PAK5: variants seen among roughly 807,000 people sequenced by gnomAD.
The protein encoded by PAK5 is p21 (RAC1) activated kinase 5.
In PAK5, 16 loss-of-function variants were observed where a neutral mutation model predicts 65.9. The observed-to-expected ratio is 0.24, with a 90% CI of 0.16 to 0.37. The LOEUF is 0.37. PAK5 is among the 10% of genes least tolerant of loss of function. The pLI is 1.00. For synonymous variants in PAK5, 371 were observed against 354.9 expected, an observed-to-expected ratio of 1.05 and a Z score of -0.51; for missense variants, 785 against 903.9, an observed-to-expected ratio of 0.87 and a Z score of 1.69.
At position 9,637,732 on chromosome 20, in the gene PAK5, T is replaced by A. The variant is rs2046999707; in HGVS notation, c.204+6393A>T. ...GTTAGAGATTATATACATTATGACA[T>A]CATTTCATAAAACTCACATATGCCG... is the stretch of plus-strand genomic sequence containing the variant. On this transcript the variant is annotated intron_variant, in intron 3 of 9. Transcript: ENST00000353224. Among the ~76,000 whole-genome samples the A allele has an allele frequency of 3.3e-5, 5 of 152,186 alleles. No homozygotes were observed. In the South Asian group the frequency reaches 1.0e-3, roughly 32 times the overall value.
chr20:9,665,681 G>T (rs1401230762), intron 2 of PAK5, among the ~76,000 whole-genome samples: 7 of 148,066 alleles, frequency 4.7e-5, no homozygotes, highest in African/African-American at 1.5e-4. Flanking sequence ...TTTTTGAGAT[G>T]GGGTCTCGTT....
At chr20:9,751,473 A>AT (rs1436057968) in intron 1 of PAK5, among the ~76,000 whole-genome samples, 1 of 152,114 alleles carries the variant, frequency 6.6e-6, no homozygotes, top group Admixed American at 6.6e-5. Flanking sequence ...CCTGATACCC[A>AT]TTTTTCATGA....
intron 3 of PAK5, among the ~76,000 whole-genome samples, chr20:9,618,169 C>T (rs1250581121): frequency 2.0e-5 from 3 of 151,954 alleles, no homozygotes; most frequent in Non-Finnish European, 2.9e-5. Context: ...CAGCGCTGGG[C>T]GACACTATCA....
intron 1 of PAK5, among the ~76,000 whole-genome samples, chr20:9,726,356 A>G (rs2048277424): frequency 6.6e-6 from 1 of 152,142 alleles, no homozygotes; most frequent in Admixed American, 6.6e-5. Flanking sequence ...AAATATATAT[A>G]AAGGACAATC....
chr20:9,564,802 G>A (rs1301089996), intron 5 of PAK5, among the ~76,000 whole-genome samples: 1 of 151,960 alleles, frequency 6.6e-6, no homozygotes, highest in African/African-American at 2.4e-5. Flanking sequence ...TTTTAAATAT[G>A]ATACATGTAT....
intron 2 of PAK5, among the ~76,000 whole-genome samples, chr20:9,692,573 A>G (rs190432031): frequency 3.2e-4 from 48 of 152,312 alleles, no homozygotes; most frequent in African/African-American, 1.0e-3. Context: ...TTTAAAACAG[A>G]TGATTCAACA....
chr20:9,837,035 A>T (rs748938323), intron 1 of PAK5, among the ~76,000 whole-genome samples: 1 of 152,228 alleles, frequency 6.6e-6, no homozygotes, highest in Admixed American at 6.5e-5. Flanking sequence ...CAATGCTTAG[A>T]TATCAATTGA....
chr20:9,564,104 G>A (rs993198816), intron 5 of PAK5, among the ~76,000 whole-genome samples: 1 of 152,164 alleles, frequency 6.6e-6, no homozygotes, highest in Non-Finnish European at 1.5e-5. Flanking sequence ...ATCTAACACT[G>A]ATACCCTGAC....
chr20:9,838,614 G>C lies in PAK5; in HGVS notation c.-162+148C>G, dbSNP rs1410731747. 2 of 152,252 alleles carry C rather than the reference G, an allele frequency of 1.3e-5. No individual in the cohort carries two copies. The highest frequency in any genetic ancestry group is 4.8e-5 in the African/African-American group (2 of 41,442). The allele number at this position is 152,252 out of a possible 1,614,324, so 9.4% of individuals were successfully genotyped here. On this transcript the variant is annotated intron_variant, in intron 1 of 9. Coordinates refer to ENST00000353224, the MANE Select transcript of PAK5 (RefSeq NM_177990.4). This position sits in a 1 kb window ranked among gnomAD's most constrained non-coding sequence, Gnocchi z 4.5. The stretch of plus-strand genomic sequence containing the variant: ...TCCCTAGCCTTTGCATCTCCTAGGA[G>C]ATGCAGGATCGCGCTGTCACAGTGG...
In PAK5 at chr20:9,767,807, G is replaced by T. The variant is rs145219832; in HGVS notation, c.-161-56372C>A. On this transcript the variant is annotated intron_variant, in intron 1 of 9. Transcript: ENST00000353224. Reference sequence around the variant, plus strand: ...ATTCTAGGGGATATTTTTTCAACTAGTTTTGTTCTAAACACTTCCATGATA... The same window carrying T: ...ATTCTAGGGGATATTTTTTCAACTATTTTTGTTCTAAACACTTCCATGATA... 1.4e-4 allele frequency among the ~76,000 whole-genome samples: 21 copies of T among 152,206 alleles called. No homozygotes were observed. In the East Asian group the frequency reaches 3.7e-3, roughly 27 times the overall value.
chr20:9,623,474 G>A (rs1456252373), intron 3 of PAK5, among the ~76,000 whole-genome samples: 1 of 152,162 alleles, frequency 6.6e-6, no homozygotes, highest in East Asian at 1.9e-4. Flanking sequence ...TCAAGTAGAT[G>A]AGTTATGATA....
In PAK5 at chr20:9,644,331, T is replaced by A; in HGVS notation, c.-3A>T. The A allele has an allele frequency of 6.2e-7, 1 of 1,606,964 alleles. No homozygotes were observed. The highest frequency in any genetic ancestry group is 8.5e-7 in the Non-Finnish European group (1 of 1,175,458). On this transcript the variant is annotated 5_prime_UTR_variant, in exon 3 of 10. Coordinates refer to ENST00000353224, the MANE Select transcript of PAK5 (RefSeq NM_177990.4). ...TTTTTCTTTTTCTTCCCAAACATGA[T>A]GCCAAAACCTGGGAAATATAAATGG...
chr20:9,723,353 C>G (rs1238241115), intron 1 of PAK5, among the ~76,000 whole-genome samples: 1 of 152,050 alleles, frequency 6.6e-6, no homozygotes, highest in Non-Finnish European at 1.5e-5. Context: ...AGTATTTTGG[C>G]CTGAGCATCA....
At chr20:9,757,526 G>A (rs754937522) in intron 1 of PAK5, among the ~76,000 whole-genome samples, 4 of 152,056 alleles carry the variant, frequency 2.6e-5, no homozygotes, top group Non-Finnish European at 2.9e-5. Flanking sequence ...TCTCTTCTTC[G>A]ATTTTGTTTG....
intron 1 of PAK5, among the ~76,000 whole-genome samples, chr20:9,720,659 T>G (rs79916129): frequency 0.021 from 3,242 of 152,228 alleles, 131 homozygotes; most frequent in African/African-American, 0.075. Flanking sequence ...ATAGGAATGT[T>G]CATAATGATA....
intron 1 of PAK5, among the ~76,000 whole-genome samples, chr20:9,790,386 A>C (rs1027852432): frequency 7.9e-5 from 12 of 152,108 alleles, no homozygotes; most frequent in African/African-American, 2.7e-4. Flanking sequence ...AGAGGAAAAG[A>C]GGGGAGAGGG....
Position 9,644,177 on chromosome 20 carries a change from T to A in PAK5, c.152A>T (p.Lys51Met). ...GATGCATGAAGGGTCCACCATAGGCTTTGGCCTGTTGGCCGTATCTGCTAA... is the reference window on the plus strand; with the variant it reads ...GATGCATGAAGGGTCCACCATAGGCATTGGCCTGTTGGCCGTATCTGCTAA... Reference protein sequence around the residue: ...SLLADTANRPKPMVDPSCITP... With the variant: ...SLLADTANRPMPMVDPSCITP... The change falls in exon 3 of 10, where the codon AAG becomes ATG. Residue 51 changes from lysine (K) to methionine (M), a missense_variant. Transcript: ENST00000353224. 1 of 1,611,230 alleles carries A rather than the reference T, an allele frequency of 6.2e-7. No individual in the cohort carries two copies. Among genetic ancestry groups the A allele is most frequent in the Non-Finnish European group, 8.5e-7 (1 of 1,179,274 alleles).
intron 1 of PAK5, among the ~76,000 whole-genome samples, chr20:9,787,983 T>TGG (rs5840335): frequency 0.03 from 4,502 of 150,630 alleles, 166 homozygotes; most frequent in African/African-American, 0.089. Context: ...CTGTGTGTGT[T>TGG]GGGGGGGGTA....
chr20:9,631,498 C>T (rs1486740792), intron 3 of PAK5, among the ~76,000 whole-genome samples: 2 of 152,154 alleles, frequency 1.3e-5, no homozygotes, highest in Admixed American at 1.3e-4. Context: ...GAATTCTGCC[C>T]ACAGAATTCT....
Sources: gnomAD v4.1 joint callset for allele counts (sites outside exome capture counted in the v4.1 genomes callset) on GRCh38, gnomAD v4.1.1 for gene constraint, Gnocchi (gnomAD v3.1) non-coding constraint, MANE v1.5 for transcripts, NCBI Gene and HGNC (gene_info 2026-07-23, HGNC 2026-07-21) for gene names.